ATP9B: variants seen among roughly 807,000 people sequenced by gnomAD.
The protein encoded by ATP9B is probable phospholipid-transporting ATPase IIB.
In ATP9B, 110 loss-of-function variants were observed where a neutral mutation model predicts 146.1. That is an observed-to-expected ratio of 0.75 (90% CI 0.65 to 0.88). The LOEUF (loss-of-function observed/expected upper bound fraction) is 0.88, where lower values mean the gene tolerates loss of function less well. Ranked by LOEUF, ATP9B falls within the 40% of genes least tolerant of loss-of-function variation. The pLI is 0.00. For synonymous variants in ATP9B, 604 were observed against 569.7 expected (o/e 1.06, Z -0.86); for missense variants, 1,499 against 1,496.4 (o/e 1.00, Z -0.03).
intron 7 of ATP9B, among the ~76,000 whole-genome samples, chr18:79,175,212 AAG>A (rs2095144888): frequency 6.6e-6 from 1 of 151,366 alleles, no homozygotes; most frequent in South Asian, 2.1e-4. Context: ...AAAAAAAAAA[AAG>A]AAAAAAAAAA....
intron 11 of ATP9B, among the ~76,000 whole-genome samples, chr18:79,243,136 G>A (rs116736227): frequency 2.0e-5 from 3 of 152,170 alleles, no homozygotes; most frequent in Non-Finnish European, 2.9e-5. Flanking sequence ...AAATTAAAAC[G>A]TTTACCTATT....
chr18:79,231,747 C>T (rs2095793151), intron 11 of ATP9B, among the ~76,000 whole-genome samples: 1 of 145,428 alleles, frequency 6.9e-6, no homozygotes, highest in Admixed American at 7.0e-5. Context: ...GCCCATCAAT[C>T]AACGAGTAGA....
intron 6 of ATP9B, among the ~76,000 whole-genome samples, chr18:79,150,865 C>T (rs762125993): frequency 1.3e-5 from 2 of 152,142 alleles, no homozygotes; most frequent in African/African-American, 2.4e-5. Flanking sequence ...GTCCTAGCTA[C>T]TTGGGAGGCT....
chr18:79,255,062 G>T (rs561819549), intron 12 of ATP9B: 2 of 152,090 alleles, frequency 1.3e-5, no homozygotes, highest in African/African-American at 4.8e-5. Context: ...AACGGAGCAC[G>T]CTTGGGATGT....
intron 17 of ATP9B, among the ~76,000 whole-genome samples, chr18:79,332,185 T>TTC (rs2096793981): frequency 6.6e-6 from 1 of 152,256 alleles, no homozygotes. Flanking sequence ...ATGCCAGCAC[T>TTC]TTGGGAGGCC....
At chr18:79,344,458 G>C in intron 21 of ATP9B, 104 bp downstream of exon 21, 1 of 972,142 alleles carries the variant, frequency 1.0e-6, no homozygotes, top group South Asian at 1.4e-5. Flanking sequence ...TGGACCCTGA[G>C]TGAGTACATG....
rs371619779 is a variant in ATP9B at position 79,259,661 on chromosome 18, G to A, written c.1268+6120G>A. 6.6e-5 allele frequency among the ~76,000 whole-genome samples: 10 copies of A among 152,270 alleles called. No homozygotes were observed. The South Asian group carries it at 1.7e-3, about 25-fold the overall frequency. On this transcript the variant is annotated intron_variant, in intron 12 of 29. Coordinates refer to ENST00000426216, the MANE Select transcript of ATP9B (RefSeq NM_198531.5). ...TTGCCTGTGCGCTTCCAGAGCAGAC[G>A]GACCAGGGACCCCAAGTGCTCTGTG...
At chr18:79,341,463 C>T (rs1478139153) in intron 19 of ATP9B, among the ~76,000 whole-genome samples, 1 of 39,778 alleles carries the variant, frequency 2.5e-5, no homozygotes, top group Non-Finnish European at 4.8e-5. Context: ...TCGTTGAAGC[C>T]TGTGTTGCCG....
chr18:79,095,626 A>T (rs536008642), intron 1 of ATP9B: 3 of 152,218 alleles, frequency 2.0e-5, no homozygotes, highest in Non-Finnish European at 2.9e-5. Flanking sequence ...GACTGCCTTT[A>T]TCCCAGAGGA....
At chr18:79,254,727 A>G (rs976313818) in intron 12 of ATP9B, 1 of 152,472 alleles carries the variant, frequency 6.6e-6, no homozygotes, top group African/African-American at 2.4e-5. Flanking sequence ...CTCCCACCAC[A>G]CTGCAGCTAT....
chr18:79,360,519 A>C (rs753552454), intron 26 of ATP9B: 1 of 152,026 alleles, frequency 6.6e-6, no homozygotes, highest in Non-Finnish European at 1.5e-5. Context: ...ACGATACTCT[A>C]TCTAATACAG....
At chr18:79,233,448 G>A (rs554741261) in intron 11 of ATP9B, among the ~76,000 whole-genome samples, 1 of 152,202 alleles carries the variant, frequency 6.6e-6, no homozygotes, top group Admixed American at 6.5e-5. Flanking sequence ...GCCATAAAAT[G>A]TACACCCTGG....
chr18:79,231,842 G>A (rs1458453590), intron 11 of ATP9B, among the ~76,000 whole-genome samples: 2 of 146,384 alleles, frequency 1.4e-5, no homozygotes, highest in Non-Finnish European at 3.0e-5. Context: ...GCCATAAGAA[G>A]GAGCAAAATA....
At chr18:79,257,142 A>C (rs892267811) in intron 12 of ATP9B, among the ~76,000 whole-genome samples, 12 of 152,170 alleles carry the variant, frequency 7.9e-5, no homozygotes, top group African/African-American at 2.2e-4. Context: ...TCTACAAAAA[A>C]TACAAAAATT....
At chr18:79,346,662 G>C (rs534139112) in intron 23 of ATP9B, among the ~76,000 whole-genome samples, 15 of 139,658 alleles carry the variant, frequency 1.1e-4, no homozygotes, top group African/African-American at 3.8e-4. Flanking sequence ...CATGTGTTCA[G>C]TGCACAGTCA....
At chr18:79,211,371 AT>A (rs2095582587) in intron 10 of ATP9B, among the ~76,000 whole-genome samples, 2 of 152,224 alleles carry the variant, frequency 1.3e-5, no homozygotes, top group South Asian at 4.1e-4. Context: ...AGTAATTATT[AT>A]CCCACTCACA....
intron 25 of ATP9B, among the ~76,000 whole-genome samples, chr18:79,350,091 C>G (rs530935171): frequency 6.6e-6 from 1 of 152,310 alleles, no homozygotes; most frequent in African/African-American, 2.4e-5. Context: ...ATTCTAGGCC[C>G]CCCACCCCAA....
chr18:79,176,721 G>T, intron 7 of ATP9B, 92 bp from the exon 8 acceptor site: 1 of 993,186 alleles, frequency 1.0e-6, no homozygotes, highest in Non-Finnish European at 1.6e-6. Context: ...GTCCTACTGT[G>T]CCCTGGAATT....
chr18:79,126,224 G>T (rs1263444629), intron 4 of ATP9B, 43 bp from the exon 5 acceptor site: 4 of 1,493,154 alleles, frequency 2.7e-6, no homozygotes, highest in African/African-American at 2.8e-5. Flanking sequence ...TGTCTTTTTT[G>T]TTAAAGTTTA....
Sources: allele counts gnomAD v4.1 joint callset (sites outside exome capture counted in the v4.1 genomes callset), GRCh38; gene constraint gnomAD v4.1.1; transcripts MANE v1.5; gene names NCBI Gene and HGNC (gene_info 2026-07-23, HGNC 2026-07-21).